Variants in ATP9B observed in about 807,000 individuals in gnomAD.
ATP9B encodes the protein probable phospholipid-transporting ATPase IIB.
ATP9B carries 110 observed loss-of-function variants against 146.1 expected under a neutral mutation model. That is an observed-to-expected ratio of 0.75 (90% confidence interval 0.65 to 0.88). The LOEUF (loss-of-function observed/expected upper bound fraction) is 0.88, where lower values mean the gene tolerates loss of function less well. Ranked by LOEUF, ATP9B falls within the 40% of genes least tolerant of loss-of-function variation. The pLI is 0.00. For missense variants in ATP9B, 1,499 were observed against 1,496.4 expected (o/e 1.00, Z -0.03); for synonymous variants, 604 against 569.7 (o/e 1.06, Z -0.86).
In ATP9B at chr18:79,378,117, A is replaced by C. The variant is rs2097110990; in HGVS notation, c.*734A>C. 1 of 152,236 alleles carries C rather than the reference A, an allele frequency of 6.6e-6. No homozygotes were observed. Among genetic ancestry groups the C allele is most frequent in the Admixed American group, 6.5e-5 (1 of 15,284 alleles). The allele number at this position is 152,236 out of a possible 1,614,324, so 9.4% of individuals were successfully genotyped here. On this transcript the variant is annotated 3_prime_UTR_variant, in exon 30 of 30. Coordinates refer to ENST00000426216, the MANE Select transcript of ATP9B (RefSeq NM_198531.5). ...ATAACACAAAGTCATTCCTACTCAA[A>C]TGTAATAAAATTGAGGCTCCACGGA... is the stretch of plus-strand genomic sequence containing the variant.
chr18:79,265,396 G>T (rs1002462392), intron 12 of ATP9B, among the ~76,000 whole-genome samples: 1 of 152,066 alleles, frequency 6.6e-6, no homozygotes, highest in African/African-American at 2.4e-5. Context: ...TGCCCGCCTC[G>T]GCCTCCCAAA....
intron 9 of ATP9B, among the ~76,000 whole-genome samples, chr18:79,195,073 C>T (rs1234415393): frequency 2.6e-5 from 4 of 152,098 alleles, no homozygotes; most frequent in Non-Finnish European, 5.9e-5. Context: ...CTTCCTGAAA[C>T]ATTATAATAA....
At chr18:79,229,519 T>C (rs1177378688) in intron 11 of ATP9B, among the ~76,000 whole-genome samples, 3 of 152,224 alleles carry the variant, frequency 2.0e-5, no homozygotes, top group East Asian at 1.9e-4. Flanking sequence ...TTCCAAACAA[T>C]ATAAAGAAAA....
chr18:79,282,676 G>A (rs2096390925), intron 13 of ATP9B, among the ~76,000 whole-genome samples: 1 of 152,186 alleles, frequency 6.6e-6, no homozygotes, highest in Admixed American at 6.5e-5. Flanking sequence ...AAGTCATGTG[G>A]CTCACTTTGT....
intron 12 of ATP9B, among the ~76,000 whole-genome samples, chr18:79,273,971 T>A (rs1428199627): frequency 6.6e-6 from 1 of 152,234 alleles, no homozygotes; most frequent in African/African-American, 2.4e-5. Context: ...TCATATTGCA[T>A]AAAAGTCATG....
intron 11 of ATP9B, among the ~76,000 whole-genome samples, chr18:79,230,997 C>G (rs2095786173): frequency 6.6e-6 from 1 of 152,142 alleles, no homozygotes; most frequent in Non-Finnish European, 1.5e-5. Context: ...ATACAAAAAT[C>G]AACTCAAGAT....
At chr18:79,075,309 G>A (rs1172406664) in intron 1 of ATP9B, among the ~76,000 whole-genome samples, 3 of 152,202 alleles carry the variant, frequency 2.0e-5, no homozygotes, top group African/African-American at 7.2e-5. Context: ...ATGCCAACAT[G>A]CCCAACTAAT....
intron 11 of ATP9B, among the ~76,000 whole-genome samples, chr18:79,215,785 G>A (rs1390684086): frequency 6.6e-6 from 1 of 152,130 alleles, no homozygotes; most frequent in African/African-American, 2.4e-5. Context: ...CAGCTCCTGG[G>A]TTCAAGCGAT....
intron 13 of ATP9B, among the ~76,000 whole-genome samples, chr18:79,299,580 A>T (rs2096576285): frequency 6.6e-6 from 1 of 152,130 alleles, no homozygotes; most frequent in Non-Finnish European, 1.5e-5. Flanking sequence ...TCTCCCTGTT[A>T]TGCTGTGGGA....
At chr18:79,340,853 T>TA (rs1481718693) in intron 19 of ATP9B, among the ~76,000 whole-genome samples, 1 of 152,230 alleles carries the variant, frequency 6.6e-6, no homozygotes, top group Non-Finnish European at 1.5e-5. Flanking sequence ...CGTTTCCAAC[T>TA]AAAAAACTAG....
intron 12 of ATP9B, among the ~76,000 whole-genome samples, chr18:79,258,948 A>C (rs2145233313): frequency 6.6e-6 from 1 of 152,374 alleles, no homozygotes; most frequent in South Asian, 2.1e-4. Context: ...GTAAAATATG[A>C]ATAATGATAC....
At chr18:79,206,133 G>A (rs1256063318) in intron 9 of ATP9B, among the ~76,000 whole-genome samples, 1 of 151,900 alleles carries the variant, frequency 6.6e-6, no homozygotes, top group African/African-American at 2.4e-5. Flanking sequence ...GTAAAGATGG[G>A]GTTTCACTGT....
chr18:79,083,390 C>T (rs1017926547), intron 1 of ATP9B, among the ~76,000 whole-genome samples: 5 of 152,176 alleles, frequency 3.3e-5, no homozygotes, highest in African/African-American at 9.7e-5. Context: ...TCCCTGGCTT[C>T]AGCCCCCTTT....
intron 25 of ATP9B, among the ~76,000 whole-genome samples, chr18:79,356,642 G>A (rs1323281914): frequency 6.6e-6 from 1 of 152,222 alleles, no homozygotes; most frequent in Non-Finnish European, 1.5e-5. Flanking sequence ...TTAACCTGCT[G>A]TACAGTTCCA....
chr18:79,174,835 G>A (rs2095136321), intron 7 of ATP9B, among the ~76,000 whole-genome samples: 1 of 152,000 alleles, frequency 6.6e-6, no homozygotes, highest in Non-Finnish European at 1.5e-5. Context: ...TCTAACTCCA[G>A]GCAGATGTCT....
intron 11 of ATP9B, among the ~76,000 whole-genome samples, chr18:79,234,068 G>A (rs189907011): frequency 6.6e-6 from 1 of 152,248 alleles, no homozygotes; most frequent in African/African-American, 2.4e-5. Flanking sequence ...TTGTTCAAGG[G>A]TCAACTACAG....
chr18:79,169,118 G>C (rs1201928959), intron 7 of ATP9B, among the ~76,000 whole-genome samples: 1 of 152,026 alleles, frequency 6.6e-6, no homozygotes, highest in Admixed American at 6.6e-5. Flanking sequence ...CTGTACAGTG[G>C]AGGCATTTTT....
chr18:79,355,804 A>C (rs1001838480), intron 25 of ATP9B, among the ~76,000 whole-genome samples: 2 of 152,222 alleles, frequency 1.3e-5, no homozygotes, highest in African/African-American at 4.8e-5. Flanking sequence ...AGGACAGTCA[A>C]ATTCACACCA....
chr18:79,138,794 G>T (rs1464570446), intron 5 of ATP9B, among the ~76,000 whole-genome samples: 2 of 146,986 alleles, frequency 1.4e-5, no homozygotes, highest in African/African-American at 5.0e-5. Flanking sequence ...AAAAAAACCA[G>T]TATTGGCCGG....
Sources: allele counts gnomAD v4.1 joint callset (sites outside exome capture counted in the v4.1 genomes callset), GRCh38; gene constraint gnomAD v4.1.1; transcripts MANE v1.5; gene names NCBI Gene and HGNC (gene_info 2026-07-23, HGNC 2026-07-21).